Variants in PDLIM7 observed in about 807,000 individuals in gnomAD.
PDLIM7 encodes PDZ and LIM domain protein 7.
A neutral mutation model predicts 53.9 loss-of-function variants in PDLIM7; 37 were observed. The ratio of observed to expected loss-of-function variants is 0.69; its 90% CI spans 0.53 to 0.90. The LOEUF (loss-of-function observed/expected upper bound fraction) is 0.90, where lower values mean the gene tolerates loss of function less well. Ranked by LOEUF, PDLIM7 falls within the 40% of genes least tolerant of loss-of-function variation. The pLI is 0.00. For missense variants in PDLIM7, 617 were observed against 638.5 expected, an observed-to-expected ratio of 0.97 and a Z score of 0.36; for synonymous variants, 300 against 261.3, an observed-to-expected ratio of 1.15 and a Z score of -1.43.
intron 9 of PDLIM7, 71 bp from the exon 10 acceptor site, chr5:177,488,319 A>C: frequency 7.5e-7 from 1 of 1,334,462 alleles, no homozygotes; most frequent in Non-Finnish European, 1.0e-6. Context: ...CTTCAGGTTG[A>C]CTGACCACCC....
intron 7 of PDLIM7, 185 bp downstream of exon 7, chr5:177,490,685 G>A (rs1464420530): frequency 5.3e-6 from 5 of 947,530 alleles, no homozygotes; most frequent in East Asian, 2.7e-5. Context: ...AGGGAGGGAA[G>A]AAATGAAAGA....
chr5:177,496,951 T>G (rs1216546216), intron 1 of PDLIM7: 1 of 144,726 alleles, frequency 6.9e-6, no homozygotes, highest in Non-Finnish European at 1.5e-5. Context: ...ATAAGGCGTG[T>G]AAGCTGACAC....
intron 2 of PDLIM7, 142 bp from the exon 3 acceptor site, chr5:177,492,819 G>A (rs1331221193): frequency 3.3e-6 from 3 of 898,272 alleles, no homozygotes; most frequent in African/African-American, 3.3e-5. Context: ...CTAGGCAGCT[G>A]CTGGACACTA....
chr5:177,486,669 C>G (rs191754231), intron 10 of PDLIM7, among the ~76,000 whole-genome samples: 2 of 152,118 alleles, frequency 1.3e-5, no homozygotes, highest in South Asian at 2.1e-4. Flanking sequence ...ACAAGAGTCT[C>G]GCTCTGTCGC....
intron 6 of PDLIM7, 27 bp from the exon 7 acceptor site, chr5:177,490,933 CAA>C (rs1175655433): frequency 1.2e-6 from 2 of 1,613,918 alleles, no homozygotes; most frequent in East Asian, 2.2e-5. Context: ...AGGCATTGAC[CAA>C]AAAAGACACA....
intron 5 of PDLIM7, 141 bp downstream of exon 5, chr5:177,491,665 AG>A: frequency 1.7e-6 from 1 of 601,062 alleles, no homozygotes; most frequent in South Asian, 2.3e-5. Flanking sequence ...CTGTGCCTGC[AG>A]CCCCACCCCG....
chr5:177,488,819 G>A (rs1202026678), intron 9 of PDLIM7, among the ~76,000 whole-genome samples: 1 of 152,130 alleles, frequency 6.6e-6, no homozygotes, highest in Non-Finnish European at 1.5e-5. Flanking sequence ...GAACCCAGGA[G>A]GCAGAGGTTG....
At chr5:177,491,454 G>A (rs1403913075) in intron 5 of PDLIM7, 8 of 1,490,432 alleles carry the variant, frequency 5.4e-6, no homozygotes, top group Admixed American at 3.9e-5. Flanking sequence ...GACAGATAAA[G>A]GGACAAAGGG....
intron 10 of PDLIM7, among the ~76,000 whole-genome samples, chr5:177,487,657 TA>T (rs1325827251): frequency 3.9e-5 from 6 of 152,254 alleles, no homozygotes; most frequent in Middle Eastern, 3.2e-3. Context: ...TAAACCTCAC[TA>T]ATATGAACAT....
chr5:177,491,314 T>C, intron 5 of PDLIM7, 168 bp from the exon 6 acceptor site: 1 of 1,477,554 alleles, frequency 6.8e-7, no homozygotes, highest in South Asian at 1.2e-5. Context: ...GAGGGCGAAG[T>C]GGAGAGGAGG....
intron 7 of PDLIM7, chr5:177,490,649 G>A: frequency 8.0e-7 from 1 of 1,242,300 alleles, no homozygotes; most frequent in Non-Finnish European, 1.1e-6. Flanking sequence ...ATGGAAGGGA[G>A]GCAGGGAGGG....
At chr5:177,487,957 T>C in intron 10 of PDLIM7, 111 bp downstream of exon 10, 1 of 1,000,406 alleles carries the variant, frequency 1.0e-6, no homozygotes, top group Non-Finnish European at 1.4e-6. Context: ...ATTACGCTGG[T>C]AAGGACCCGG....
At chr5:177,494,819 C>G (rs977516771) in intron 2 of PDLIM7, among the ~76,000 whole-genome samples, 5 of 152,140 alleles carry the variant, frequency 3.3e-5, no homozygotes, top group Admixed American at 2.0e-4. Flanking sequence ...CAGTCCCAGA[C>G]GTTACCTCAT....
At chr5:177,488,656 G>C (rs528982105) in intron 9 of PDLIM7, among the ~76,000 whole-genome samples, 80 of 152,356 alleles carry the variant, frequency 5.3e-4, no homozygotes, top group Non-Finnish European at 9.7e-4. Flanking sequence ...GGGAGGCCAA[G>C]GCAGGCCTGA....
At chr5:177,496,644 C>T (rs2127415989) in intron 1 of PDLIM7, 121 bp from the exon 2 acceptor site, 1 of 556,076 alleles carries the variant, frequency 1.8e-6, no homozygotes, top group Non-Finnish European at 3.0e-6. Context: ...CCCCTGAGCA[C>T]GCCCAAGCCA....
At chr5:177,489,346 G>C in intron 9 of PDLIM7, 47 bp downstream of exon 9, 1 of 1,398,162 alleles carries the variant, frequency 7.2e-7, no homozygotes. Context: ...GGTGGGGCTG[G>C]GCTGCAGGAT....
chr5:177,492,233 C>T (rs561650294), intron 4 of PDLIM7, 172 bp downstream of exon 4: 3 of 767,850 alleles, frequency 3.9e-6, no homozygotes, highest in African/African-American at 1.8e-5. Context: ...GTGCCAGGAC[C>T]GTGCAGCAGC....
At chr5:177,486,539 C>T (rs1758447992) in intron 10 of PDLIM7, among the ~76,000 whole-genome samples, 1 of 152,164 alleles carries the variant, frequency 6.6e-6, no homozygotes, top group African/African-American at 2.4e-5. Flanking sequence ...CAGACAAGGT[C>T]ACAGTGAAGG....
chr5:177,484,805 C>CCT (rs1758356079), intron 10 of PDLIM7: 1 of 156,318 alleles, frequency 6.4e-6, no homozygotes, highest in South Asian at 1.9e-4. Flanking sequence ...TCGTTCCCAA[C>CCT]CGTCTCCGCC....
Sources: gnomAD v4.1 joint callset for allele counts (sites outside exome capture counted in the v4.1 genomes callset) on GRCh38, gnomAD v4.1.1 for gene constraint, MANE v1.5 for transcripts, NCBI Gene and HGNC (gene_info 2026-07-23, HGNC 2026-07-21) for gene names.